SH3GL3: variants seen among roughly 807,000 people sequenced by gnomAD.
The protein encoded by SH3GL3 is endophilin-A3.
A neutral mutation model predicts 47.7 loss-of-function variants in SH3GL3; 33 were observed. That is an observed-to-expected ratio of 0.69 (90% confidence interval 0.52 to 0.92). SH3GL3 has a LOEUF of 0.92. Ranked by LOEUF, SH3GL3 falls within the 40% of genes least tolerant of loss-of-function variation. The probability of loss-of-function intolerance (pLI) is 0.00; values close to 1 mark genes in which losing one functional copy is unlikely to be tolerated. For missense variants in SH3GL3, 363 were observed against 417.8 expected, an observed-to-expected ratio of 0.87 and a Z score of 1.14; for synonymous variants, 155 against 148.8, an observed-to-expected ratio of 1.04 and a Z score of -0.30.
rs1459069703 is a variant in SH3GL3 at position 83,566,365 on chromosome 15, A to AGAGTGTGTGT, written c.187+1160_187+1161insAGTGTGTGTG. On this transcript the variant is annotated intron_variant, in intron 3 of 8. Coordinates refer to ENST00000427482, the MANE Select transcript of SH3GL3 (RefSeq NM_003027.5). ...GATGGGCAGAGAGAGAGAGAGAGAG[A>AGAGTGTGTGT]GTGTGTGTGTGTGTGTGTGTGTGTG... 5.6e-4 allele frequency among the ~76,000 whole-genome samples: 76 copies of AGAGTGTGTGT among 136,696 alleles called. 1 individual carries two copies. The highest frequency in any genetic ancestry group is 6.3e-4 in the African/African-American group (23 of 36,696). The allele number at this position is 136,696 out of a possible 152,430, so 89.7% of individuals were successfully genotyped here.
the SH3GL3 span, among the ~76,000 whole-genome samples, chr15:83,628,023 A>G: frequency 1.5e-4 from 23 of 152,268 alleles, no homozygotes; most frequent in Non-Finnish European, 2.9e-4. Context: ...AACTACCACA[A>G]CCTCTTGCTA....
At chr15:83,546,830 C>T (rs924836141) in intron 1 of SH3GL3, among the ~76,000 whole-genome samples, 1 of 152,282 alleles carries the variant, frequency 6.6e-6, no homozygotes, top group Non-Finnish European at 1.5e-5. Flanking sequence ...CAGGATGGGT[C>T]TAGAAATGTT....
chr15:83,455,132 T>C lies in SH3GL3; in HGVS notation c.45+7554T>C, dbSNP rs917330502. ...TCTTTTCTTTAAGAATGTTGAATATTGGCCCCCACTCTCTTCTGGCCTGTA... is the reference window on the plus strand; with the variant it reads ...TCTTTTCTTTAAGAATGTTGAATATCGGCCCCCACTCTCTTCTGGCCTGTA... On this transcript the variant is annotated intron_variant, in intron 1 of 8. Transcript: ENST00000427482. 1.9e-3 allele frequency among the ~76,000 whole-genome samples: 112 copies of C among 57,992 alleles called. 2 individuals carry two copies. The Admixed American group carries it at 0.023, about 12-fold the overall frequency. 38.0% of individuals were successfully genotyped at this position (57,992 alleles called of 152,430 possible). A position where few individuals can be genotyped will look rare whatever the true frequency, so the allele number is the denominator to read the frequency against.
the SH3GL3 span, among the ~76,000 whole-genome samples, chr15:83,633,436 G>A: frequency 6.6e-6 from 1 of 151,942 alleles, no homozygotes; most frequent in African/African-American, 2.4e-5. Flanking sequence ...TCCCTACAGG[G>A]CAAGCTATCT....
At chr15:83,462,141 C>G (rs2151510335) in intron 1 of SH3GL3, among the ~76,000 whole-genome samples, 1 of 152,306 alleles carries the variant, frequency 6.6e-6, no homozygotes, top group Admixed American at 6.5e-5. Context: ...TTACAAGGGA[C>G]AAGCCTTGTG....
In SH3GL3 at chr15:83,605,237, G is replaced by C. The variant is rs114600094; in HGVS notation, c.839-12845G>C. Among the ~76,000 whole-genome samples the C allele has an allele frequency of 7.5e-3, 1,141 of 152,272 alleles. 15 individuals carry two copies. The highest frequency in any genetic ancestry group is 0.025 in the African/African-American group (1,054 of 41,538). On this transcript the variant is annotated intron_variant, in intron 8 of 8. Coordinates refer to ENST00000427482, the MANE Select transcript of SH3GL3 (RefSeq NM_003027.5). Reference sequence around the variant, plus strand: ...GCCTGTCCCAGGCTGCTTCTTCTAAGTTTCCCTCGGTAGTAGCTTCAAGTT... The same window carrying C: ...GCCTGTCCCAGGCTGCTTCTTCTAACTTTCCCTCGGTAGTAGCTTCAAGTT...
intron 8 of SH3GL3, among the ~76,000 whole-genome samples, chr15:83,609,847 G>A (rs2060617736): frequency 6.6e-6 from 1 of 152,094 alleles, no homozygotes; most frequent in Admixed American, 6.5e-5. Flanking sequence ...CCAGATCCTG[G>A]CATGTGGGAG....
chr15:83,528,564 C>G (rs936082750), intron 1 of SH3GL3, among the ~76,000 whole-genome samples: 1 of 151,980 alleles, frequency 6.6e-6, no homozygotes, highest in Non-Finnish European at 1.5e-5. Flanking sequence ...TTCTGGAATT[C>G]GTATGCTTAA....
chr15:83,550,533 G>T (rs962471838), intron 1 of SH3GL3, among the ~76,000 whole-genome samples: 3 of 152,050 alleles, frequency 2.0e-5, no homozygotes, highest in African/African-American at 7.2e-5. Context: ...GGGATTACAG[G>T]TGTGCACCAC....
chr15:83,533,151 C>A (rs2043756442), intron 1 of SH3GL3, among the ~76,000 whole-genome samples: 1 of 152,114 alleles, frequency 6.6e-6, no homozygotes, highest in Non-Finnish European at 1.5e-5. Context: ...TGGGGACAGT[C>A]CATGTCTATG....
chr15:83,554,175 G>A (rs548065617), intron 1 of SH3GL3, among the ~76,000 whole-genome samples: 47 of 151,718 alleles, frequency 3.1e-4, no homozygotes, highest in African/African-American at 1.1e-3. Context: ...TTATAGGCAC[G>A]TGCCACCACA....
chr15:83,610,633 A>G (rs2060635275), intron 8 of SH3GL3, among the ~76,000 whole-genome samples: 3 of 152,208 alleles, frequency 2.0e-5, no homozygotes, highest in Admixed American at 2.0e-4. Flanking sequence ...ATAGGGATCA[A>G]GAACGTGGAC....
intron 1 of SH3GL3, among the ~76,000 whole-genome samples, chr15:83,449,299 A>G (rs1486523156): frequency 6.6e-6 from 1 of 152,226 alleles, no homozygotes; most frequent in Admixed American, 6.5e-5. Flanking sequence ...TAAAGGCAGG[A>G]GCAATCAACA....
intron 1 of SH3GL3, among the ~76,000 whole-genome samples, chr15:83,526,394 G>A (rs75060137): frequency 6.6e-6 from 1 of 152,332 alleles, no homozygotes; most frequent in African/African-American, 2.4e-5. Context: ...ATTTGCAATA[G>A]CAAAGGCATG....
chr15:83,578,657 ATT>A (rs11289922), intron 6 of SH3GL3, among the ~76,000 whole-genome samples: 36,154 of 148,548 alleles, frequency 0.24, 5,112 homozygotes, highest in Non-Finnish European at 0.32. Context: ...TCTTCTTTTA[ATT>A]TTTTTTTTTT....
At chr15:83,477,313 A>G (rs1336411152) in intron 1 of SH3GL3, among the ~76,000 whole-genome samples, 3 of 152,230 alleles carry the variant, frequency 2.0e-5, no homozygotes, top group Non-Finnish European at 2.9e-5. Context: ...TGTTTTAATA[A>G]TTCCAACTTC....
At chr15:83,462,124 A>T (rs923651260) in intron 1 of SH3GL3, among the ~76,000 whole-genome samples, 1 of 152,210 alleles carries the variant, frequency 6.6e-6, no homozygotes, top group Non-Finnish European at 1.5e-5. Flanking sequence ...AAACATCTTA[A>T]TATAAATTAC....
chr15:83,559,520 A>G (rs1472736962), intron 2 of SH3GL3, among the ~76,000 whole-genome samples, 199 bp downstream of exon 2: 1 of 152,200 alleles, frequency 6.6e-6, no homozygotes, highest in African/African-American at 2.4e-5. Context: ...CAGTTTGGGC[A>G]GGTCGAGTAA....
chr15:83,565,287 T>C (rs762145370), intron 3 of SH3GL3, 81 bp downstream of exon 3: 12 of 838,494 alleles, frequency 1.4e-5, no homozygotes, highest in African/African-American at 1.2e-4. Flanking sequence ...GTTGACATAA[T>C]GTAGAAACAA....
Sources: allele counts gnomAD v4.1 joint callset (sites outside exome capture counted in the v4.1 genomes callset), GRCh38; gene constraint gnomAD v4.1.1; transcripts MANE v1.5; gene names NCBI Gene and HGNC (gene_info 2026-07-23, HGNC 2026-07-21).